The following MAGED1 variants were observed in gnomAD, a reference collection of about 807,000 sequenced individuals.
The protein encoded by MAGED1 is MAGE family member D1, also known as melanoma-associated antigen D1.
In MAGED1, 3 loss-of-function variants were observed where a neutral mutation model predicts 54.1. That is an observed-to-expected ratio of 0.06 (90% confidence interval 0.03 to 0.14). The LOEUF (loss-of-function observed/expected upper bound fraction) is 0.14. Ranked by LOEUF, MAGED1 falls within the 10% of genes least tolerant of loss-of-function variation. The probability of loss-of-function intolerance (pLI) is 1.00; values close to 1 mark genes in which losing one functional copy is unlikely to be tolerated. For missense variants in MAGED1, 485 were observed against 623.4 expected (o/e 0.78, Z 2.36); for synonymous variants, 217 against 227.3 (o/e 0.95, Z 0.41).
At position 51,812,367 on chromosome X, in the gene MAGED1, AG is replaced by A. The variant is rs782313772; in HGVS notation, c.-37+9251del. Among the ~76,000 whole-genome samples, 26 of 110,735 alleles carry A rather than the reference AG, an allele frequency of 2.3e-4. 1 individual carries two copies. In the South Asian group the frequency reaches 9.6e-3, roughly 41 times the overall value. ...TAGAGGTTACTCTGTGGTCTAGTAA[AG>A]CTAAGGAAAAGGGGCAAATGGAAAG... On this transcript the variant is annotated intron_variant, in intron 1 of 12. Coordinates refer to the MAGED1 transcript ENST00000375772.
intron 1 of MAGED1, among the ~76,000 whole-genome samples, chrX:51,821,602 C>G (rs1925636686): frequency 9.0e-6 from 1 of 111,248 alleles, no homozygotes; most frequent in Non-Finnish European, 1.9e-5. Flanking sequence ...GTTGCCCAGG[C>G]TGGTCTCAAA....
chrX:51,828,336 T>C (rs1557357103), intron 1 of MAGED1, among the ~76,000 whole-genome samples: 1 of 112,084 alleles, frequency 8.9e-6, no homozygotes, highest in Non-Finnish European at 1.9e-5. Flanking sequence ...ATTTCATACA[T>C]TGTAGTGTTT....
intron 2 of MAGED1, chrX:51,894,653 T>TCACC: frequency 4.2e-6 from 5 of 1,192,597 alleles, no homozygotes; most frequent in Non-Finnish European, 5.6e-6. Flanking sequence ...GAGCAGTCTG[T>TCACC]CACCCCCTCC....
chrX:51,899,977 G>C, intron 10 of MAGED1: 2 of 378,773 alleles, frequency 5.3e-6, no homozygotes, highest in Non-Finnish European at 9.2e-6. Flanking sequence ...TACAAGCCTC[G>C]CCTGCATCTC....
intron 1 of MAGED1, among the ~76,000 whole-genome samples, chrX:51,810,970 T>C (rs1557355489): frequency 8.9e-6 from 1 of 112,170 alleles, no homozygotes; most frequent in Non-Finnish European, 1.9e-5. Flanking sequence ...GTGTTGTTGA[T>C]TTTTATTTTA....
intron 1 of MAGED1, among the ~76,000 whole-genome samples, chrX:51,849,119 G>A (rs1373314043): frequency 1.8e-5 from 2 of 110,088 alleles, no homozygotes; most frequent in South Asian, 3.9e-4. Context: ...AGGGATGTAA[G>A]GATCTTACTT....
chrX:51,897,705 T>C (rs1260299602), intron 6 of MAGED1, 79 bp downstream of exon 6: 1 of 1,064,499 alleles, frequency 9.4e-7, no homozygotes, highest in Non-Finnish European at 1.3e-6. Flanking sequence ...TACTGGGAGT[T>C]TAGGGCAAGT....
rs200403502 is a variant in MAGED1, at chrX:51,895,065, G to A, written c.58G>A (p.Val20Ile). 6 of 1,206,367 alleles carry A rather than the reference G, an allele frequency of 5.0e-6. No individual in the cohort carries two copies. The East Asian group carries it at 1.5e-4, about 30-fold the overall frequency. The change falls in exon 3 of 13, where the codon GTA (valine) becomes ATA (isoleucine). Residue 20 changes from valine to isoleucine, a missense_variant. Coordinates refer to ENST00000326587, the MANE Select transcript of MAGED1 (RefSeq NM_006986.4). ...CCTGTGTTTGCAGGCTGAGGCCTCCGTAGAAGACAGCGCCTTGCTTATGCA... is the reference window on the plus strand; with the variant it reads ...CCTGTGTTTGCAGGCTGAGGCCTCCATAGAAGACAGCGCCTTGCTTATGCA... ...GLLGFQAEAS[V>I]EDSALLMQTL...
intron 1 of MAGED1, among the ~76,000 whole-genome samples, chrX:51,820,367 G>A (rs912846260): frequency 5.4e-5 from 6 of 112,033 alleles, no homozygotes; most frequent in African/African-American, 1.9e-4. Context: ...AGTTTGGAGA[G>A]TATTGCCATC....
intron 1 of MAGED1, among the ~76,000 whole-genome samples, chrX:51,880,530 C>T (rs934101266): frequency 6.3e-5 from 7 of 111,760 alleles, no homozygotes; most frequent in Middle Eastern, 4.6e-3. Context: ...TTCCTGCATA[C>T]CGGAGTTTGT....
chrX:51,830,242 A>G (rs1461067866), intron 1 of MAGED1, among the ~76,000 whole-genome samples: 2 of 111,648 alleles, frequency 1.8e-5, no homozygotes, highest in Non-Finnish European at 3.8e-5. Flanking sequence ...AAAATACTAT[A>G]TATTGCTCAT....
chrX:51,880,656 A>G (rs1165768441), intron 1 of MAGED1, among the ~76,000 whole-genome samples: 1 of 111,654 alleles, frequency 9.0e-6, no homozygotes, highest in Non-Finnish European at 1.9e-5. Flanking sequence ...TATAGTAGAA[A>G]ACCACGGTGG....
chrX:51,814,148 A>AAG (rs1256523921), intron 1 of MAGED1, among the ~76,000 whole-genome samples: 1 of 111,344 alleles, frequency 9.0e-6, no homozygotes, highest in Non-Finnish European at 1.9e-5. Flanking sequence ...GAGTGAAAAA[A>AAG]AGAGAGAGAA....
Position 51,901,933 on chromosome X carries a change from T to C in MAGED1, c.*3T>C. On this transcript the variant is annotated 3_prime_UTR_variant, in exon 12 of 13. Transcript: ENST00000326587. ...TTGGTTTCTTCTGGGTTGAGTGAGATGTTGGGTAGGTACATCACTTTGGAT... is the reference window on the plus strand; with the variant it reads ...TTGGTTTCTTCTGGGTTGAGTGAGACGTTGGGTAGGTACATCACTTTGGAT... 8.3e-7 allele frequency: 1 copy of C among 1,200,761 alleles called. No homozygotes were observed. Among genetic ancestry groups the C allele is most frequent in the African/African-American group, 1.7e-5 (1 of 57,526 alleles).
At chrX:51,887,814 AG>A (rs1420378400) in intron 1 of MAGED1, among the ~76,000 whole-genome samples, 1 of 110,459 alleles carries the variant, frequency 9.1e-6, no homozygotes, top group African/African-American at 3.3e-5. Flanking sequence ...AAGAGTTCTT[AG>A]AAATGAAATA....
At chrX:51,821,015 T>A (rs781853218) in intron 1 of MAGED1, among the ~76,000 whole-genome samples, 5 of 111,908 alleles carry the variant, frequency 4.5e-5, no homozygotes, top group South Asian at 3.8e-4. Context: ...AGTGAGATCA[T>A]GTGCTGTTTG....
chrX:51,820,236 A>G (rs1012788439), intron 1 of MAGED1, among the ~76,000 whole-genome samples: 7 of 111,667 alleles, frequency 6.3e-5, no homozygotes, highest in African/African-American at 2.3e-4. Context: ...CCACGTTTTC[A>G]AAAGGTGTTT....
At chrX:51,865,262 A>T (rs1557361006) in intron 1 of MAGED1, among the ~76,000 whole-genome samples, 1 of 111,925 alleles carries the variant, frequency 8.9e-6, no homozygotes, top group Non-Finnish European at 1.9e-5. Context: ...TATATCTTAG[A>T]ATGTAAGCTC....
Position 51,900,209 on chromosome X carries a change from C to A in MAGED1, c.1872C>A (p.Asn624Lys). The A allele has an allele frequency of 8.3e-7, 1 of 1,207,405 alleles. No individual in the cohort carries two copies. ...QKYLDYRRVP[N>K]SNPPEYEFLW... Reference sequence around the variant, plus strand: ...ACCTGGACTACAGACGAGTGCCCAACAGCAACCCCCCGGAGTATGAGTTCC... The same window carrying A: ...ACCTGGACTACAGACGAGTGCCCAAAAGCAACCCCCCGGAGTATGAGTTCC... The change falls in exon 11 of 13, where the codon AAC becomes AAA. Residue 624 changes from asparagine to lysine, a missense_variant. By Grantham distance (94) the Asn-to-Lys change is moderately conservative (BLOSUM62 0). Coordinates refer to ENST00000326587, the MANE Select transcript of MAGED1 (RefSeq NM_006986.4).
Sources: allele counts gnomAD v4.1 joint callset (sites outside exome capture counted in the v4.1 genomes callset), GRCh38; gene constraint gnomAD v4.1.1; transcripts MANE v1.5; gene names NCBI Gene and HGNC (gene_info 2026-07-23, HGNC 2026-07-21).